The following ADAM12 variants were observed in gnomAD, a reference collection of about 807,000 sequenced individuals.
ADAM12 encodes the protein disintegrin and metalloproteinase domain-containing protein 12.
A neutral mutation model predicts 106.4 loss-of-function variants in ADAM12; 70 were observed. That is an observed-to-expected ratio of 0.66 (90% CI 0.54 to 0.80). The LOEUF is 0.80. Among genes scored for constraint, ADAM12 ranks in the 30% least tolerant of loss-of-function variants. ADAM12 has a pLI of 0.00. For missense variants in ADAM12, 1,010 were observed against 1,171.9 expected (o/e 0.86, Z 2.02); for synonymous variants, 420 against 433.5 (o/e 0.97, Z 0.39).
intron 10 of ADAM12, among the ~76,000 whole-genome samples, chr10:126,097,043 G>A (rs1955570837): frequency 6.6e-6 from 1 of 152,100 alleles, no homozygotes; most frequent in Admixed American, 6.5e-5. Context: ...TGGGTTACAG[G>A]CCCATTTCAG....
chr10:126,066,603 G>A lies in ADAM12; in HGVS notation c.1413+114C>T, dbSNP rs562600177. 246 of 943,032 alleles carry A rather than the reference G, an allele frequency of 2.6e-4. No individual in the cohort carries two copies. The highest frequency in any genetic ancestry group is 6.2e-4 in the East Asian group (25 of 40,112). The allele number at this position is 943,032 out of a possible 1,614,324, so 58.4% of individuals were successfully genotyped here. Reference sequence around the variant, plus strand: ...CTGGCGTGAGAAGGAGGGATGGTGCGTGCTGTGGTGAGTGCTGGGAAACCT... The same window carrying A: ...CTGGCGTGAGAAGGAGGGATGGTGCATGCTGTGGTGAGTGCTGGGAAACCT... On this transcript the variant is annotated intron_variant, in intron 13 of 22. Transcript: ENST00000448723. The surrounding 1 kb of genome is among the most constrained non-coding windows in gnomAD (Gnocchi z 5.1).
At position 126,284,466 on chromosome 10, in the gene ADAM12, A is replaced by G. The variant is rs532679671; in HGVS notation, c.187-5478T>C. ...GCACTAATGCCACCCTGTGTTAATT[A>G]CTACAGCTTTACTCTGAGTCCTGAT... is the stretch of plus-strand genomic sequence containing the variant. On this transcript the variant is annotated intron_variant, in intron 2 of 22. Coordinates refer to ENST00000448723, the MANE Select transcript of ADAM12 (RefSeq NM_001288973.2). Among the ~76,000 whole-genome samples the G allele has an allele frequency of 3.3e-5, 5 of 151,990 alleles. No individual in the cohort carries two copies. The South Asian group carries it at 1.0e-3, about 32-fold the overall frequency.
intron 3 of ADAM12, among the ~76,000 whole-genome samples, chr10:126,253,276 T>TCAAGTCAC (rs1259549504): frequency 6.6e-6 from 1 of 152,230 alleles, no homozygotes; most frequent in East Asian, 1.9e-4. Context: ...TATTACACTT[T>TCAAGTCAC]CAAGTCACCA....
intron 3 of ADAM12, among the ~76,000 whole-genome samples, chr10:126,166,249 T>A (rs1957021526): frequency 6.6e-6 from 1 of 152,114 alleles, no homozygotes; most frequent in Non-Finnish European, 1.5e-5. Flanking sequence ...GAGCGAAGAG[T>A]TCACAGACAG....
Position 126,017,123 on chromosome 10 carries a change from G to T in ADAM12, c.*156C>A. 1 of 646,156 alleles carries T rather than the reference G, an allele frequency of 1.5e-6. No homozygotes were observed. Among genetic ancestry groups the T allele is most frequent in the Non-Finnish European group, 2.7e-6 (1 of 371,414 alleles). 40.0% of individuals were successfully genotyped at this position (646,156 alleles called of 1,614,324 possible). On this transcript the variant is annotated 3_prime_UTR_variant, in exon 23 of 23. Transcript: ENST00000448723. ...CTGAGCAAGTAGACAGAGCACCATA[G>T]CACAGCACAGCACTGACGGCAGTAG...
intron 3 of ADAM12, among the ~76,000 whole-genome samples, chr10:126,236,924 G>A (rs1340019002): frequency 6.6e-6 from 1 of 152,188 alleles, no homozygotes; most frequent in Non-Finnish European, 1.5e-5. Context: ...CAGGCAGCAT[G>A]ACATTGCCTG....
intron 3 of ADAM12, among the ~76,000 whole-genome samples, chr10:126,203,939 C>CGCGT (rs1554986406): frequency 6.7e-6 from 1 of 150,162 alleles, no homozygotes; most frequent in African/African-American, 2.4e-5. Flanking sequence ...CGCGCGCGCG[C>CGCGT]GTGTGTGTGT....
At chr10:126,228,946 C>CAG (rs1286467381) in intron 3 of ADAM12, among the ~76,000 whole-genome samples, 7 of 152,122 alleles carry the variant, frequency 4.6e-5, no homozygotes, top group Non-Finnish European at 1.0e-4. Context: ...GCAGTGTGTA[C>CAG]AGAGGGTTGT....
chr10:126,137,700 G>A (rs984213078), intron 4 of ADAM12, among the ~76,000 whole-genome samples: 7 of 152,166 alleles, frequency 4.6e-5, no homozygotes, highest in African/African-American at 1.7e-4. Context: ...CATTCATACT[G>A]AGGCATGCAT....
At chr10:126,350,477 A>C (rs1238159660) in intron 1 of ADAM12, among the ~76,000 whole-genome samples, 1 of 152,234 alleles carries the variant, frequency 6.6e-6, no homozygotes, top group Non-Finnish European at 1.5e-5. Flanking sequence ...GGACAGAGAC[A>C]GCTGCCTGGG....
At chr10:126,256,937 T>C (rs1398234366) in intron 3 of ADAM12, among the ~76,000 whole-genome samples, 1 of 152,070 alleles carries the variant, frequency 6.6e-6, no homozygotes, top group African/African-American at 2.4e-5. Context: ...ATGATGATGA[T>C]GATGATGGAG....
chr10:126,141,701 G>T (rs1045894061), intron 4 of ADAM12, among the ~76,000 whole-genome samples: 1 of 152,188 alleles, frequency 6.6e-6, no homozygotes, highest in East Asian at 1.9e-4. Flanking sequence ...GGACTAGAAG[G>T]AAAGGCATTT....
At chr10:126,081,716 C>T (rs369964022) in intron 11 of ADAM12, among the ~76,000 whole-genome samples, 2 of 152,174 alleles carry the variant, frequency 1.3e-5, no homozygotes, top group African/African-American at 2.4e-5. Context: ...GGAGGCTAAA[C>T]GAGCTTCAAA....
At chr10:126,229,203 G>T (rs1275037792) in intron 3 of ADAM12, among the ~76,000 whole-genome samples, 3 of 152,126 alleles carry the variant, frequency 2.0e-5, no homozygotes, top group African/African-American at 7.2e-5. Flanking sequence ...ACCAGGAGGT[G>T]GGCAGGGGCT....
At chr10:126,197,942 G>A (rs370837682) in intron 3 of ADAM12, among the ~76,000 whole-genome samples, 17 of 152,168 alleles carry the variant, frequency 1.1e-4, no homozygotes, top group Non-Finnish European at 2.1e-4. Flanking sequence ...CATCACCTCC[G>A]TGAACTGCAG....
intron 2 of ADAM12, among the ~76,000 whole-genome samples, chr10:126,320,239 C>T (rs1854048218): frequency 6.6e-6 from 1 of 152,192 alleles, no homozygotes; most frequent in Non-Finnish European, 1.5e-5. Flanking sequence ...ACCAACAATG[C>T]ATGTCTTCCT....
intron 3 of ADAM12, among the ~76,000 whole-genome samples, chr10:126,222,846 C>T (rs939693053): frequency 6.6e-6 from 1 of 152,170 alleles, no homozygotes; most frequent in African/African-American, 2.4e-5. Context: ...TCTCTCATCC[C>T]AAGCTGCTTT....
chr10:126,206,425 C>T (rs943138977), intron 3 of ADAM12, among the ~76,000 whole-genome samples: 5 of 152,058 alleles, frequency 3.3e-5, no homozygotes, highest in South Asian at 2.1e-4. Flanking sequence ...CAAACACAAG[C>T]GTCAAAGTGA....
intron 1 of ADAM12, among the ~76,000 whole-genome samples, chr10:126,343,444 T>C (rs1272032543): frequency 6.6e-6 from 1 of 152,206 alleles, no homozygotes; most frequent in Non-Finnish European, 1.5e-5. Flanking sequence ...GACATTTGGG[T>C]TGGTTCCATG....
Sources: allele counts gnomAD v4.1 joint callset (sites outside exome capture counted in the v4.1 genomes callset), GRCh38; gene constraint gnomAD v4.1.1; non-coding constraint Gnocchi (gnomAD v3.1); transcripts MANE v1.5; gene names NCBI Gene and HGNC (gene_info 2026-07-23, HGNC 2026-07-21).